Variants in ANO2 observed in about 807,000 individuals in gnomAD.
ANO2 encodes the protein anoctamin 2.
A neutral mutation model predicts 124.2 loss-of-function variants in ANO2; 101 were observed. That is an observed-to-expected ratio of 0.81 (90% confidence interval 0.69 to 0.96). ANO2 has a LOEUF of 0.96. ANO2 is among the 40% of genes least tolerant of loss of function. The pLI is 0.00. For synonymous variants in ANO2, 486 were observed against 482.5 expected (o/e 1.01, Z -0.09); for missense variants, 1,293 against 1,274.5 (o/e 1.01, Z -0.22).
upstream of ANO2, chr12:5,945,372 C>T: frequency 1.3e-6 from 1 of 772,502 alleles, no homozygotes; most frequent in South Asian, 3.7e-5. Flanking sequence ...CGGCCGCCGG[C>T]GCCGCGCAGC....
At chr12:5,607,255 A>C (rs1196161106) in intron 19 of ANO2, among the ~76,000 whole-genome samples, 1 of 152,146 alleles carries the variant, frequency 6.6e-6, no homozygotes, top group Non-Finnish European at 1.5e-5. Context: ...CAACACTTCC[A>C]AAGCATCACC....
Position 5,658,757 on chromosome 12 carries a change from A to G in ANO2, c.1546-10956T>C, listed in dbSNP as rs1947300344. The stretch of plus-strand genomic sequence containing the variant: ...CATCATCATCAACATCATTATCATC[A>G]TTAAATCATCATCAGCATCAATATT... On this transcript the variant is annotated intron_variant, in intron 14 of 24. Coordinates refer to ENST00000682330, the MANE Select transcript of ANO2 (RefSeq NM_001364791.2). This position sits in a 1 kb window ranked among gnomAD's most constrained non-coding sequence, Gnocchi z 4.3. Among the ~76,000 whole-genome samples, 1 of 152,082 alleles carries G rather than the reference A, an allele frequency of 6.6e-6. No homozygotes were observed. The highest frequency in any genetic ancestry group is 2.4e-5 in the African/African-American group (1 of 41,352).
At chr12:5,639,109 T>C (rs534286709) in intron 15 of ANO2, among the ~76,000 whole-genome samples, 1 of 152,248 alleles carries the variant, frequency 6.6e-6, no homozygotes, top group South Asian at 2.1e-4. Context: ...TGGGACAGTT[T>C]CCTATGGGAA....
intron 3 of ANO2, among the ~76,000 whole-genome samples, chr12:5,876,770 C>G (rs928024828): frequency 6.6e-6 from 1 of 152,102 alleles, no homozygotes; most frequent in African/African-American, 2.4e-5. Flanking sequence ...TAAGTGGGAG[C>G]TGAACAACGA....
chr12:5,615,257 G>T lies in ANO2; in HGVS notation c.1857C>A (p.Ile619=), dbSNP rs116536994. 4,615 of 1,613,638 alleles carry T rather than the reference G, an allele frequency of 2.9e-3. 92 individuals carry two copies. In the African/African-American group the frequency reaches 0.05, roughly 18 times the overall value. ...KTEQTFEERL[I]LKAFLLKFVN... is the part of the protein sequence containing the mutation. ...CAAACTTGAGCAAGAAAGCTTTGAG[G>T]ATCAGGCGCTCTTCAAAAGTCTGTT... Residue 619 remains isoleucine (I), a synonymous_variant, in exon 17 of 25, where the codon ATC becomes ATA. Transcript: ENST00000682330.
At position 5,578,490 on chromosome 12, in the gene ANO2, G is replaced by A. The variant is rs373194140; in HGVS notation, c.2262C>T (p.Phe754=). ...MIIQFGFVTL[F]VASFPLAPVF... is the part of the protein sequence containing the mutation. ...CAGGTGCCAGGGGAAAGGAGGCCAC[G>A]AAGAGGGTGACAAAACCAAACTGGA... is the stretch of plus-strand genomic sequence containing the variant. The change falls in exon 21 of 25, where the codon TTC becomes TTT. Residue 754 remains phenylalanine (F), a synonymous_variant. Coordinates refer to ENST00000682330, the MANE Select transcript of ANO2 (RefSeq NM_001364791.2). 32 of 1,613,780 alleles carry A rather than the reference G, an allele frequency of 2.0e-5. No homozygotes were observed. The highest frequency in any genetic ancestry group is 6.7e-5 in the Admixed American group (4 of 60,012).
At chr12:5,945,263 C>A (rs897608202), upstream of ANO2, 1 of 1,266,614 alleles carries the variant, frequency 7.9e-7, no homozygotes, top group African/African-American at 1.6e-5. Context: ...CGCTTCTGGG[C>A]AGGCTTATGC....
intron 15 of ANO2, among the ~76,000 whole-genome samples, chr12:5,643,111 T>C (rs1182368375): frequency 6.6e-6 from 1 of 151,778 alleles, no homozygotes; most frequent in Admixed American, 6.6e-5. Context: ...AACACCAATA[T>C]AGCCCAGACC....
At chr12:5,686,784 C>T (rs1353604548) in intron 14 of ANO2, among the ~76,000 whole-genome samples, 4 of 152,216 alleles carry the variant, frequency 2.6e-5, no homozygotes, top group African/African-American at 9.6e-5. Flanking sequence ...GTCCTGAGGA[C>T]TCGCAACACC....
intron 15 of ANO2, among the ~76,000 whole-genome samples, chr12:5,640,633 A>G (rs1054354750): frequency 4.6e-5 from 7 of 152,266 alleles, no homozygotes; most frequent in East Asian, 1.9e-4. Context: ...AATGCTCATC[A>G]TCACTGGTCA....
intron 8 of ANO2, among the ~76,000 whole-genome samples, 154 bp from the exon 9 acceptor site, chr12:5,806,247 T>C (rs1377610709): frequency 6.6e-6 from 1 of 152,204 alleles, no homozygotes; most frequent in Non-Finnish European, 1.5e-5. Context: ...AAGGGGCTGA[T>C]ATTCCATTTT....
chr12:5,719,625 T>A (rs1191309175), intron 14 of ANO2, among the ~76,000 whole-genome samples: 1 of 152,202 alleles, frequency 6.6e-6, no homozygotes, highest in African/African-American at 2.4e-5. Flanking sequence ...ACAGCCCTTA[T>A]CAAATATTGA....
At chr12:5,921,499 G>T in intron 2 of ANO2, 133 bp from the exon 3 acceptor site, 1 of 855,860 alleles carries the variant, frequency 1.2e-6, no homozygotes, top group Non-Finnish European at 1.8e-6. Context: ...GGCCCCCAGT[G>T]CCCCCAGTAA....
At chr12:5,651,245 G>A (rs868759733) in intron 14 of ANO2, among the ~76,000 whole-genome samples, 2 of 152,192 alleles carry the variant, frequency 1.3e-5, no homozygotes, top group Non-Finnish European at 1.5e-5. Flanking sequence ...TGAGCCTCCA[G>A]ACAGCAAGTA....
At chr12:5,820,957 T>C (rs1244927638) in intron 7 of ANO2, among the ~76,000 whole-genome samples, 1 of 152,238 alleles carries the variant, frequency 6.6e-6, no homozygotes, top group Non-Finnish European at 1.5e-5. Flanking sequence ...CAGAAGCAAT[T>C]TCCCTTCAGC....
At chr12:5,854,398 C>CAAAAAAAAAAAAAAAAAAAAAAAAAAA (rs56030072) in intron 3 of ANO2, among the ~76,000 whole-genome samples, 1 of 76,118 alleles carries the variant, frequency 1.3e-5, no homozygotes, top group Non-Finnish European at 2.2e-5. Flanking sequence ...AGCTTCAGAG[C>CAAAAAAAAAAAAAAAAAAAAAAAAAAA]AAAAAAAAAA....
intron 7 of ANO2, among the ~76,000 whole-genome samples, chr12:5,814,115 T>C (rs1953522791): frequency 6.6e-6 from 1 of 152,210 alleles, no homozygotes; most frequent in South Asian, 2.1e-4. Context: ...TCTGCCTAAA[T>C]AGTCACCTGC....
chr12:5,813,758 C>A (rs1217919304), intron 7 of ANO2, among the ~76,000 whole-genome samples: 1 of 152,182 alleles, frequency 6.6e-6, no homozygotes, highest in Non-Finnish European at 1.5e-5. Context: ...AAAGCCAGTT[C>A]CCTCCCTGGG....
chr12:5,714,159 C>G (rs750781525), intron 14 of ANO2, among the ~76,000 whole-genome samples: 1 of 152,226 alleles, frequency 6.6e-6, no homozygotes, highest in Non-Finnish European at 1.5e-5. Flanking sequence ...TACCGGATCA[C>G]TCCAGAGTTA....
Sources: gnomAD v4.1 joint callset for allele counts (sites outside exome capture counted in the v4.1 genomes callset) on GRCh38, gnomAD v4.1.1 for gene constraint, Gnocchi (gnomAD v3.1) non-coding constraint, MANE v1.5 for transcripts, NCBI Gene and HGNC (gene_info 2026-07-23, HGNC 2026-07-21) for gene names.